CRACR2A: variants seen among roughly 807,000 people sequenced by gnomAD.
CRACR2A encodes EF-hand calcium-binding domain-containing protein 4B.
A neutral mutation model predicts 90.5 loss-of-function variants in CRACR2A; 79 were observed. That is an observed-to-expected ratio of 0.87 (90% confidence interval 0.73 to 1.05). The LOEUF is 1.05. Among genes scored for constraint, CRACR2A ranks in the 50% least tolerant of loss-of-function variants. CRACR2A has a pLI of 0.00. For synonymous variants in CRACR2A, 338 were observed against 356.7 expected (o/e 0.95, Z 0.59); for missense variants, 823 against 897.2 (o/e 0.92, Z 1.06).
chr12:3,636,837 A>G (rs1395186149), intron 14 of CRACR2A, among the ~76,000 whole-genome samples: 1 of 152,190 alleles, frequency 6.6e-6, no homozygotes, highest in Non-Finnish European at 1.5e-5. Context: ...TGGCCTGAGA[A>G]TGGTAACCTA....
chr12:3,728,453 T>G (rs1181997221), intron 2 of CRACR2A: 1 of 152,130 alleles, frequency 6.6e-6, no homozygotes, highest in East Asian at 1.9e-4. Flanking sequence ...AGAAGAGAGA[T>G]AAACAGCACA....
chr12:3,679,022 C>G lies in CRACR2A; in HGVS notation c.417G>C (p.Lys139Asn). Reference protein sequence around the residue: ...GEQVAQRHEEKVYLSRGDEDL... With the variant: ...GEQVAQRHEENVYLSRGDEDL... ...CCTCATCCCCTCTGGACAGATACAC[C>G]TTCTCTTCATGGCGCTGGGCCACCT... Residue 139 changes from lysine to asparagine, a missense_variant, in exon 6 of 20, where the codon AAG becomes AAC. Transcript: ENST00000440314. The G allele has an allele frequency of 6.2e-7, 1 of 1,613,672 alleles. No individual in the cohort carries two copies. Among genetic ancestry groups the G allele is most frequent in the Non-Finnish European group, 8.5e-7 (1 of 1,179,828 alleles).
At chr12:3,725,390 G>A (rs549612039) in intron 2 of CRACR2A, among the ~76,000 whole-genome samples, 2 of 152,188 alleles carry the variant, frequency 1.3e-5, no homozygotes, top group East Asian at 3.9e-4. Flanking sequence ...TCCTTGGCTT[G>A]AGGCTATATC....
rs1217175712 is a variant in CRACR2A at position 3,633,096 on chromosome 12, G to T, written c.1735+508C>A. On this transcript the variant is annotated intron_variant, in intron 15 of 19. Transcript: ENST00000440314. This position sits in a 1 kb window ranked among gnomAD's most constrained non-coding sequence, Gnocchi z 4.5. ...GTCCAGCTGTCGCCCAGCAGGCTGG[G>T]GACTTAGGACAGATACAATGCGATG... 6.6e-6 allele frequency among the ~76,000 whole-genome samples: 1 copy of T among 152,168 alleles called. No individual in the cohort carries two copies. Among genetic ancestry groups the T allele is most frequent in the Non-Finnish European group, 1.5e-5 (1 of 68,030 alleles).
At chr12:3,728,402 A>G (rs1013927128) in intron 2 of CRACR2A, 3 of 152,280 alleles carry the variant, frequency 2.0e-5, no homozygotes, top group Non-Finnish European at 4.4e-5. Flanking sequence ...TTCTAAGATA[A>G]CCACAGAGAT....
chr12:3,722,343 C>T (rs1233614100), intron 2 of CRACR2A, among the ~76,000 whole-genome samples: 2 of 152,178 alleles, frequency 1.3e-5, no homozygotes, highest in Non-Finnish European at 2.9e-5. Flanking sequence ...TTGACCCTAC[C>T]TATAACCCTC....
chr12:3,680,869 T>C (rs1945434368), intron 4 of CRACR2A, among the ~76,000 whole-genome samples: 1 of 152,216 alleles, frequency 6.6e-6, no homozygotes, highest in African/African-American at 2.4e-5. Context: ...AATGCAATCA[T>C]GAATGTAAAG....
intron 12 of CRACR2A, among the ~76,000 whole-genome samples, chr12:3,643,074 T>G (rs1944603255): frequency 6.6e-6 from 1 of 152,206 alleles, no homozygotes; most frequent in African/African-American, 2.4e-5. Flanking sequence ...GGGATTCGGG[T>G]GACATTTGGT....
chr12:3,709,602 ACTCCGT>A (rs532714185), intron 3 of CRACR2A, among the ~76,000 whole-genome samples: 39 of 152,232 alleles, frequency 2.6e-4, no homozygotes, highest in African/African-American at 9.1e-4. Context: ...ACATGGTGAA[ACTCCGT>A]CTCTACTAAA....
At chr12:3,640,233 A>G (rs1444075920) in intron 13 of CRACR2A, among the ~76,000 whole-genome samples, 2 of 152,232 alleles carry the variant, frequency 1.3e-5, no homozygotes, top group East Asian at 3.8e-4. Flanking sequence ...AGTCTGCATT[A>G]GAATTCAGGG....
intron 4 of CRACR2A, among the ~76,000 whole-genome samples, chr12:3,687,814 T>C (rs1421579433): frequency 7.9e-5 from 12 of 152,248 alleles, no homozygotes; most frequent in Non-Finnish European, 1.5e-5. Context: ...ACCAACAGTG[T>C]GTAAGTGTTC....
intron 1 of CRACR2A, among the ~76,000 whole-genome samples, chr12:3,736,918 GATTC>G (rs1410551662): frequency 6.6e-6 from 1 of 152,218 alleles, no homozygotes; most frequent in Non-Finnish European, 1.5e-5. Flanking sequence ...GCAGAAGCCA[GATTC>G]ATTCACAGAT....
intron 15 of CRACR2A, among the ~76,000 whole-genome samples, chr12:3,631,052 C>T (rs1944367508): frequency 6.6e-6 from 1 of 152,172 alleles, no homozygotes; most frequent in South Asian, 2.1e-4. Context: ...GACTCTGTGG[C>T]TGTTATATCT....
intron 15 of CRACR2A, among the ~76,000 whole-genome samples, chr12:3,629,224 C>G (rs1034090581): frequency 1.3e-5 from 2 of 151,930 alleles, no homozygotes; most frequent in Non-Finnish European, 2.9e-5. Context: ...GTGCCTTGCC[C>G]GAGCTGGTCG....
intron 11 of CRACR2A, chr12:3,647,874 C>T (rs1021375515): frequency 6.1e-6 from 6 of 985,422 alleles, no homozygotes; most frequent in Non-Finnish European, 6.0e-6. Context: ...TCATGGGCAA[C>T]ATCAAAAATT....
intron 7 of CRACR2A, among the ~76,000 whole-genome samples, chr12:3,668,348 T>C (rs1461749242): frequency 6.6e-6 from 1 of 152,158 alleles, no homozygotes; most frequent in African/African-American, 2.4e-5. Flanking sequence ...CCTGCCTGTA[T>C]CAGAACCGCC....
chr12:3,735,322 G>C (rs564796481), intron 1 of CRACR2A, among the ~76,000 whole-genome samples: 1 of 152,320 alleles, frequency 6.6e-6, no homozygotes, highest in East Asian at 1.9e-4. Context: ...GCAAGCCTGT[G>C]TGGGCACAAA....
At chr12:3,673,690 C>T (rs1037427884) in intron 6 of CRACR2A, 98 bp from the exon 7 acceptor site, 15 of 1,441,546 alleles carry the variant, frequency 1.0e-5, no homozygotes, top group Admixed American at 6.6e-5. Flanking sequence ...GAAACAGTAC[C>T]GTCAGAATCA....
chr12:3,750,239 G>C (rs1946685373), intron 1 of CRACR2A, among the ~76,000 whole-genome samples: 1 of 151,916 alleles, frequency 6.6e-6, no homozygotes, highest in Non-Finnish European at 1.5e-5. Flanking sequence ...CTGGCCCCCA[G>C]GGCTATTTTA....
Sources: allele counts gnomAD v4.1 joint callset (sites outside exome capture counted in the v4.1 genomes callset), GRCh38; gene constraint gnomAD v4.1.1; non-coding constraint Gnocchi (gnomAD v3.1); transcripts MANE v1.5; gene names NCBI Gene and HGNC (gene_info 2026-07-23, HGNC 2026-07-21).